ATR: variants seen among roughly 807,000 people sequenced by gnomAD.
The protein encoded by ATR is serine/threonine-protein kinase ATR.
Under a neutral mutation model 305.3 loss-of-function variants are expected in ATR, and 142 were observed. The observed-to-expected ratio is 0.47, with a 90% CI of 0.41 to 0.53. The LOEUF (loss-of-function observed/expected upper bound fraction) is 0.53. Ranked by LOEUF, ATR falls within the 20% of genes least tolerant of loss-of-function variation. The probability of loss-of-function intolerance (pLI) is 0.00; values close to 1 mark genes in which losing one functional copy is unlikely to be tolerated. For synonymous variants in ATR, 1,050 were observed against 1,068.1 expected, an observed-to-expected ratio of 0.98 and a Z score of 0.33; for missense variants, 2,135 against 3,133.1, an observed-to-expected ratio of 0.68 and a Z score of 7.60.
At chr3:142,553,167 T>G in intron 13 of ATR, 60 bp downstream of exon 13, 1 of 1,560,284 alleles carries the variant, frequency 6.4e-7, no homozygotes, top group South Asian at 1.1e-5. Flanking sequence ...TATTCTTCTT[T>G]TTTGTAACTC....
At chr3:142,503,214 G>GAA in intron 30 of ATR, 148 bp downstream of exon 30, 2 of 573,488 alleles carry the variant, frequency 3.5e-6, no homozygotes, top group Non-Finnish European at 6.1e-6. Context: ...AAAACTTGAG[G>GAA]AAAAAAAAAT....
At chr3:142,480,034 T>A (rs573367698) in intron 36 of ATR, among the ~76,000 whole-genome samples, 8 of 152,200 alleles carry the variant, frequency 5.3e-5, no homozygotes, top group Non-Finnish European at 8.8e-5. Flanking sequence ...GGGTTCCAAC[T>A]TCCTCCTTTA....
At chr3:142,450,168 A>G (rs946301360) in intron 46 of ATR, 3 of 432,470 alleles carry the variant, frequency 6.9e-6, no homozygotes, top group African/African-American at 6.1e-5. Context: ...TTGCTGTGCC[A>G]TCTGCCATCG....
At chr3:142,563,165 CA>C in intron 3 of ATR, 56 bp from the exon 4 acceptor site, 1 of 1,498,722 alleles carries the variant, frequency 6.7e-7, no homozygotes, top group Non-Finnish European at 9.1e-7. Context: ...AGTGCTAATT[CA>C]TTTGCTAAAT....
At chr3:142,451,228 G>C in intron 46 of ATR, 1 of 1,192,000 alleles carries the variant, frequency 8.4e-7, no homozygotes, top group Non-Finnish European at 1.1e-6. Context: ...TGCACATCCA[G>C]ATGCAGGTGT....
intron 46 of ATR, chr3:142,452,746 G>A: frequency 9.3e-7 from 1 of 1,071,392 alleles, no homozygotes; most frequent in Non-Finnish European, 1.1e-6. Flanking sequence ...CTTCAACTAA[G>A]TAAGAAGTGA....
chr3:142,450,185 C>T, intron 46 of ATR: 1 of 441,542 alleles, frequency 2.3e-6, no homozygotes, highest in Non-Finnish European at 4.3e-6. Flanking sequence ...ATCGACTTTT[C>T]CGCCAAGAGC....
intron 35 of ATR, among the ~76,000 whole-genome samples, chr3:142,489,744 A>G (rs2031167940): frequency 6.6e-6 from 1 of 152,104 alleles, no homozygotes; most frequent in Admixed American, 6.5e-5. Flanking sequence ...AGTTTTTGTG[A>G]CTAAACCTAC....
Position 142,536,048 on chromosome 3 carries a change from G to A in ATR, c.3819+60C>T, listed in dbSNP as rs565763746. ...CTAAAGGATCTTTATTTCATGTATTGGAACTTGGGAACAATTCTGTATTAA... is the reference window on the plus strand; with the variant it reads ...CTAAAGGATCTTTATTTCATGTATTAGAACTTGGGAACAATTCTGTATTAA... On this transcript the variant is annotated intron_variant, in intron 20 of 46. Coordinates refer to ENST00000350721, the MANE Select transcript of ATR (RefSeq NM_001184.4). The A allele has an allele frequency of 1.0e-5, 12 of 1,177,088 alleles. No homozygotes were observed. The African/African-American group carries it at 1.8e-4, about 18-fold the overall frequency. The allele number at this position is 1,177,088 out of a possible 1,614,324, so 72.9% of individuals were successfully genotyped here. A position where few individuals can be genotyped will look rare whatever the true frequency, so the allele number is the denominator to read the frequency against.
intron 35 of ATR, among the ~76,000 whole-genome samples, chr3:142,486,580 C>G (rs116385099): frequency 3.3e-5 from 5 of 152,080 alleles, no homozygotes; most frequent in African/African-American, 1.2e-4. Context: ...ACAGCTTGAT[C>G]AATTATCACA....
chr3:142,530,383 A>G (rs2033590360), intron 21 of ATR, among the ~76,000 whole-genome samples: 1 of 152,158 alleles, frequency 6.6e-6, no homozygotes. Context: ...ATCTTCTTCC[A>G]TGTTATGGTT....
intron 36 of ATR, chr3:142,472,396 G>C (rs1046746006): frequency 8.6e-5 from 13 of 152,022 alleles, no homozygotes; most frequent in African/African-American, 2.9e-4. Context: ...CAGTGTATAA[G>C]GGTTCCCTTT....
chr3:142,450,461 C>T, intron 46 of ATR: 5 of 1,601,020 alleles, frequency 3.1e-6, no homozygotes, highest in Non-Finnish European at 4.3e-6. Context: ...AGAGCTATTA[C>T]TCACTTAATG....
intron 1 of ATR, among the ~76,000 whole-genome samples, chr3:142,570,747 T>C (rs2035233451): frequency 6.6e-6 from 1 of 152,242 alleles, no homozygotes; most frequent in African/African-American, 2.4e-5. Flanking sequence ...GGTATTTGTA[T>C]GCCTTTTGGA....
intron 18 of ATR, among the ~76,000 whole-genome samples, chr3:142,539,921 G>C (rs2033988535): frequency 6.6e-6 from 1 of 152,096 alleles, no homozygotes; most frequent in African/African-American, 2.4e-5. Flanking sequence ...AAGATTAGTG[G>C]GGAATTTTAT....
At chr3:142,499,823 C>G in intron 30 of ATR, 105 bp from the exon 31 acceptor site, 1 of 915,806 alleles carries the variant, frequency 1.1e-6, no homozygotes, top group Non-Finnish European at 1.7e-6. Flanking sequence ...ATTGAATTTG[C>G]ATTATATTGT....
At chr3:142,559,760 T>G (rs1311954066) in intron 6 of ATR, among the ~76,000 whole-genome samples, 1 of 151,972 alleles carries the variant, frequency 6.6e-6, no homozygotes, top group Non-Finnish European at 1.5e-5. Context: ...TTTTCTAAAT[T>G]AGGGTGTGGC....
intron 30 of ATR, among the ~76,000 whole-genome samples, chr3:142,500,912 G>C (rs556829558): frequency 1.3e-5 from 2 of 152,086 alleles, no homozygotes; most frequent in African/African-American, 4.8e-5. Flanking sequence ...ATTATCTATG[G>C]GATATCAGAT....
chr3:142,537,247 T>C (rs2033893592), intron 19 of ATR, among the ~76,000 whole-genome samples: 1 of 152,018 alleles, frequency 6.6e-6, no homozygotes, highest in Non-Finnish European at 1.5e-5. Context: ...TTTTGCTTTT[T>C]TTTTTTTAAA....
Sources: allele counts gnomAD v4.1 joint callset (sites outside exome capture counted in the v4.1 genomes callset), GRCh38; gene constraint gnomAD v4.1.1; transcripts MANE v1.5; gene names NCBI Gene and HGNC (gene_info 2026-07-23, HGNC 2026-07-21).